The following AK5 variants were observed in gnomAD, a reference collection of about 807,000 sequenced individuals.
AK5 encodes the protein adenylate kinase 5.
Under a neutral mutation model 69.5 loss-of-function variants are expected in AK5, and 27 were observed. The observed-to-expected ratio is 0.39, with a 90% confidence interval of 0.29 to 0.54. The LOEUF (loss-of-function observed/expected upper bound fraction) is 0.54, where lower values mean the gene tolerates loss of function less well. AK5 is among the 20% of genes least tolerant of loss of function. The pLI, the probability that AK5 is intolerant of heterozygous loss-of-function variation, is 0.71. For missense variants in AK5, 531 were observed against 700.4 expected, an observed-to-expected ratio of 0.76 and a Z score of 2.73; for synonymous variants, 260 against 244.4, an observed-to-expected ratio of 1.06 and a Z score of -0.60.
intron 3 of AK5, among the ~76,000 whole-genome samples, chr1:77,294,602 A>T (rs137951434): frequency 6.6e-6 from 1 of 152,296 alleles, no homozygotes; most frequent in East Asian, 1.9e-4. Context: ...AAAGACAAAC[A>T]AATCTAATAG....
At chr1:77,367,557 T>TATATATGA (rs1557532485) in intron 6 of AK5, among the ~76,000 whole-genome samples, 1 of 59,378 alleles carries the variant, frequency 1.7e-5, no homozygotes, top group Non-Finnish European at 2.8e-5. Flanking sequence ...TATGTTATTT[T>TATATATGA]TATATATATA....
chr1:77,288,660 A>G (rs1658500343), intron 2 of AK5, among the ~76,000 whole-genome samples: 1 of 152,192 alleles, frequency 6.6e-6, no homozygotes. Context: ...AGTCAATGAT[A>G]TGACTCTGAC....
chr1:77,443,673 G>A (rs1475403252), intron 8 of AK5, among the ~76,000 whole-genome samples: 1 of 132,174 alleles, frequency 7.6e-6, no homozygotes, highest in Admixed American at 8.0e-5. Context: ...TTACTGTGGG[G>A]AGTCTGTGTG....
intron 10 of AK5, among the ~76,000 whole-genome samples, chr1:77,506,240 GTT>G: frequency 6.6e-6 from 1 of 151,812 alleles, no homozygotes; most frequent in African/African-American, 2.4e-5. Context: ...TGGTTGGTTG[GTT>G]GGTTGGTTGG....
At position 77,543,930 on chromosome 1, in the gene AK5, C is replaced by T. The variant is rs540001401; in HGVS notation, c.1620+7892C>T. 1.3e-4 allele frequency among the ~76,000 whole-genome samples: 19 copies of T among 151,624 alleles called. No individual in the cohort carries two copies. In the South Asian group the frequency reaches 3.8e-3, roughly 30 times the overall value. On this transcript the variant is annotated intron_variant, in intron 13 of 13. Coordinates refer to ENST00000354567, the MANE Select transcript of AK5 (RefSeq NM_174858.3). ...ATTTATGTGTGTATGTGAGAGTACA[C>T]ACACACACACACACACACAGTCATG...
chr1:77,492,155 A>G (rs868336788), intron 10 of AK5, among the ~76,000 whole-genome samples: 4 of 152,228 alleles, frequency 2.6e-5, no homozygotes, highest in Non-Finnish European at 5.9e-5. Flanking sequence ...AGGTGTGCTA[A>G]AGGGCCTTAT....
At chr1:77,293,018 C>T (rs896588477) in intron 2 of AK5, among the ~76,000 whole-genome samples, 4 of 152,092 alleles carry the variant, frequency 2.6e-5, no homozygotes, top group African/African-American at 7.2e-5. Context: ...ATGTTATAAA[C>T]GGCAACAAAT....
intron 6 of AK5, among the ~76,000 whole-genome samples, chr1:77,366,645 T>A (rs1272304801): frequency 6.6e-6 from 1 of 152,186 alleles, no homozygotes; most frequent in African/African-American, 2.4e-5. Flanking sequence ...TTATTCATAC[T>A]CAGCTGCCTT....
chr1:77,492,777 A>G (rs892678459), intron 10 of AK5, among the ~76,000 whole-genome samples: 6 of 152,334 alleles, frequency 3.9e-5, no homozygotes, highest in South Asian at 4.2e-4. Flanking sequence ...GAAGAAGACA[A>G]AGAGGACTGT....
chr1:77,357,111 T>C (rs2100426412), intron 6 of AK5, among the ~76,000 whole-genome samples: 1 of 152,338 alleles, frequency 6.6e-6, no homozygotes, highest in South Asian at 2.1e-4. Context: ...ACTGCCAATT[T>C]CATATTTTGT....
intron 6 of AK5, among the ~76,000 whole-genome samples, chr1:77,363,828 C>G (rs777382598): frequency 1.3e-5 from 2 of 152,190 alleles, no homozygotes; most frequent in Non-Finnish European, 2.9e-5. Context: ...AAATGCAACA[C>G]CCCTTAACCA....
At chr1:77,545,893 C>G (rs931142579) in intron 13 of AK5, among the ~76,000 whole-genome samples, 1 of 152,160 alleles carries the variant, frequency 6.6e-6, no homozygotes, top group African/African-American at 2.4e-5. Flanking sequence ...GAGAGAGTGA[C>G]TTAGAGGAAC....
In AK5 at chr1:77,440,749, T is replaced by G. The variant is rs367900328; in HGVS notation, c.1059+23034T>G. Among the ~76,000 whole-genome samples the G allele has an allele frequency of 1.6e-3, 244 of 152,150 alleles. 1 individual carries two copies. The highest frequency in any genetic ancestry group is 5.3e-3 in the African/African-American group (219 of 41,516). On this transcript the variant is annotated intron_variant, in intron 8 of 13. Coordinates refer to ENST00000354567, the MANE Select transcript of AK5 (RefSeq NM_174858.3). ...ATATTCAAGTTCAGAGGCTCTTTTTTTTTTTGTTGTTTTGTTTTTTGAGAC... is the reference window on the plus strand; with the variant it reads ...ATATTCAAGTTCAGAGGCTCTTTTTGTTTTTGTTGTTTTGTTTTTTGAGAC...
rs935103381 is a variant in AK5, at chr1:77,488,544, T to C, written c.1147+2192T>C. On this transcript the variant is annotated intron_variant, in intron 10 of 13. Transcript: ENST00000354567. ...AGAGGGACAGAACTAATAGAATACA[T>C]ATATACATATAGGAATTTATTAAGT... 7.2e-5 allele frequency among the ~76,000 whole-genome samples: 11 copies of C among 152,316 alleles called. No individual in the cohort carries two copies. The East Asian group carries it at 7.7e-4, about 11-fold the overall frequency.
chr1:77,298,563 G>A (rs1473204108), intron 5 of AK5, among the ~76,000 whole-genome samples: 1 of 151,774 alleles, frequency 6.6e-6, no homozygotes, highest in African/African-American at 2.4e-5. Context: ...CAACACTTCG[G>A]AAGGCTGAGG....
Position 77,553,361 on chromosome 1 carries a change from G to A in AK5, c.1621-5241G>A, listed in dbSNP as rs146276295. ...TCTACCACTTGGTGAGGACAAGAAC[G>A]GGCCCTAGAACACAGTTGGGTTTGT... On this transcript the variant is annotated intron_variant, in intron 13 of 13. Transcript: ENST00000354567. Among the ~76,000 whole-genome samples, 210 of 152,262 alleles carry A rather than the reference G, an allele frequency of 1.4e-3. 1 individual carries two copies. Among genetic ancestry groups the A allele is most frequent in the African/African-American group, 4.8e-3 (201 of 41,548 alleles).
At chr1:77,308,251 C>G (rs577399144) in intron 5 of AK5, among the ~76,000 whole-genome samples, 2 of 152,114 alleles carry the variant, frequency 1.3e-5, no homozygotes, top group African/African-American at 4.8e-5. Flanking sequence ...AAGAGCTGGA[C>G]TCTCCCAGTC....
intron 6 of AK5, among the ~76,000 whole-genome samples, chr1:77,367,551 T>TATATATATATATATATA (rs1646974840): frequency 3.6e-4 from 7 of 19,694 alleles, no homozygotes; most frequent in Non-Finnish European, 4.8e-4. Flanking sequence ...CTCATTTATG[T>TATATATATATATATATA]TATTTTTATA....
rs113214062 is a variant in AK5, at chr1:77,536,377, C to A, written c.1620+339C>A. Among the ~76,000 whole-genome samples the A allele has an allele frequency of 5.4e-3, 826 of 152,252 alleles. 9 individuals are homozygous for A. The highest frequency in any genetic ancestry group is 0.018 in the African/African-American group (761 of 41,548). The stretch of plus-strand genomic sequence containing the variant: ...GCTGACGTGGGAGGATTGCTTGAGC[C>A]CCAGAGGTGGAGGCTGTAGTGAGCT... On this transcript the variant is annotated intron_variant, in intron 13 of 13. Transcript: ENST00000354567.
Sources: gnomAD v4.1 joint callset for allele counts (sites outside exome capture counted in the v4.1 genomes callset) on GRCh38, gnomAD v4.1.1 for gene constraint, MANE v1.5 for transcripts, NCBI Gene and HGNC (gene_info 2026-07-23, HGNC 2026-07-21) for gene names.